The following AP2B1 variants were observed in gnomAD, a reference collection of about 807,000 sequenced individuals.
The protein encoded by AP2B1 is AP-2 complex subunit beta.
AP2B1 carries 23 observed loss-of-function variants against 102.0 expected under a neutral mutation model. The observed-to-expected ratio is 0.23, with a 90% CI of 0.16 to 0.32. The LOEUF (loss-of-function observed/expected upper bound fraction) is 0.32. AP2B1 is among the 10% of genes least tolerant of loss of function. The pLI is 1.00. For missense variants in AP2B1, 541 were observed against 1,157.4 expected, an observed-to-expected ratio of 0.47 and a Z score of 7.73; for synonymous variants, 381 against 421.2, an observed-to-expected ratio of 0.90 and a Z score of 1.17.
intron 2 of AP2B1, chr17:35,597,114 C>G: frequency 1.9e-6 from 1 of 521,110 alleles, no homozygotes; most frequent in Non-Finnish European, 3.5e-6. Context: ...GCAGTAGCGA[C>G]CTCCGGAAGC....
chr17:35,685,013 C>T (rs765216050), intron 18 of AP2B1, among the ~76,000 whole-genome samples: 147 of 152,270 alleles, frequency 9.7e-4, no homozygotes, highest in Non-Finnish European at 1.6e-3. Context: ...TTAGTCCAAC[C>T]CTTTCCTCAA....
intron 18 of AP2B1, among the ~76,000 whole-genome samples, chr17:35,686,881 G>T (rs1223519225): frequency 6.6e-6 from 1 of 152,166 alleles, no homozygotes; most frequent in Non-Finnish European, 1.5e-5. Flanking sequence ...CAGGAGAATG[G>T]CGTGAGAATG....
intron 20 of AP2B1, chr17:35,713,673 C>G (rs2076495722): frequency 6.6e-6 from 1 of 152,236 alleles, no homozygotes; most frequent in Non-Finnish European, 1.5e-5. Flanking sequence ...CAGGAAGTCA[C>G]AGGCTTAAAG....
intron 2 of AP2B1, 78 bp from the exon 3 acceptor site, chr17:35,598,152 T>C (rs2073354588): frequency 1.6e-6 from 1 of 632,320 alleles, no homozygotes; most frequent in Middle Eastern, 4.5e-4. Flanking sequence ...TATCCTGGTA[T>C]TGGTTATTAC....
chr17:35,622,957 GC>G (rs2074222723), intron 5 of AP2B1, among the ~76,000 whole-genome samples: 1 of 152,036 alleles, frequency 6.6e-6, no homozygotes, highest in African/African-American at 2.4e-5. Context: ...GAGCCACCAC[GC>G]CCAGCCAACT....
chr17:35,605,199 C>T (rs921315415), intron 3 of AP2B1, among the ~76,000 whole-genome samples: 3 of 151,894 alleles, frequency 2.0e-5, no homozygotes, highest in African/African-American at 7.3e-5. Context: ...GCCACCATGT[C>T]TGGCCTACAG....
chr17:35,659,891 A>G (rs1315538941), intron 14 of AP2B1: 27 of 985,276 alleles, frequency 2.7e-5, no homozygotes, highest in South Asian at 4.7e-5. Context: ...TTAAATATAT[A>G]TTCACTCAGA....
intron 10 of AP2B1, among the ~76,000 whole-genome samples, chr17:35,639,314 CAA>C (rs1714173186): frequency 6.6e-6 from 1 of 152,120 alleles, no homozygotes; most frequent in Non-Finnish European, 1.5e-5. Flanking sequence ...GCCTGGGTGA[CAA>C]GAGTGAGACC....
chr17:35,641,837 G>A, intron 11 of AP2B1, 40 bp from the exon 12 acceptor site: 1 of 1,446,826 alleles, frequency 6.9e-7, no homozygotes, highest in South Asian at 1.2e-5. Flanking sequence ...AATAATGCCA[G>A]TGCCATTCTT....
rs188611865 is a variant in AP2B1, at chr17:35,645,668, G to A, written c.1536+3693G>A. Among the ~76,000 whole-genome samples, 160 of 152,220 alleles carry A rather than the reference G, an allele frequency of 1.1e-3. 1 individual carries two copies. The highest frequency in any genetic ancestry group is 2.2e-3 in the Admixed American group (33 of 15,280). ...AGTTCGAGACCAGCCTGACCAAAAT[G>A]GAGAAACCCCATCTCTACTAAAAAT... On this transcript the variant is annotated intron_variant, in intron 12 of 21. Coordinates refer to ENST00000610402, the MANE Select transcript of AP2B1 (RefSeq NM_001030006.2).
At chr17:35,723,582 C>A in intron 21 of AP2B1, 43 bp from the exon 22 acceptor site, 1 of 1,399,814 alleles carries the variant, frequency 7.1e-7, no homozygotes, top group Non-Finnish European at 1.0e-6. Context: ...AGAGCTAATG[C>A]CAACCTCTGT....
intron 5 of AP2B1, 47 bp downstream of exon 5, chr17:35,608,434 C>G (rs776812807): frequency 2.5e-6 from 4 of 1,606,426 alleles, no homozygotes; most frequent in Admixed American, 1.7e-5. Flanking sequence ...TAAAATGAGT[C>G]CCTTGTTAAA....
At chr17:35,714,000 CAAG>C (rs1292663357) in intron 20 of AP2B1, among the ~76,000 whole-genome samples, 1 of 152,158 alleles carries the variant, frequency 6.6e-6, no homozygotes, top group Non-Finnish European at 1.5e-5. Flanking sequence ...CTTAAGTGCA[CAAG>C]AAGTAGTTGC....
At chr17:35,635,287 C>T (rs2074574048) in intron 9 of AP2B1, among the ~76,000 whole-genome samples, 1 of 152,206 alleles carries the variant, frequency 6.6e-6, no homozygotes, top group South Asian at 2.1e-4. Flanking sequence ...CTCCTGACTT[C>T]AGGTAATCCA....
At chr17:35,588,856 C>A (rs958828713) in intron 1 of AP2B1, 1 of 152,236 alleles carries the variant, frequency 6.6e-6, no homozygotes, top group Non-Finnish European at 1.5e-5. Context: ...AATATTCTGA[C>A]TGTGTATGAA....
At chr17:35,688,459 T>G (rs1210500138) in intron 18 of AP2B1, among the ~76,000 whole-genome samples, 1 of 152,206 alleles carries the variant, frequency 6.6e-6, no homozygotes, top group Non-Finnish European at 1.5e-5. Context: ...TTTTCACCCA[T>G]CATGCTGGGT....
chr17:35,645,271 T>C (rs1012524049), intron 12 of AP2B1, among the ~76,000 whole-genome samples: 1 of 152,222 alleles, frequency 6.6e-6, no homozygotes, highest in Non-Finnish European at 1.5e-5. Context: ...CTGATGATGC[T>C]ACTTCCACTG....
In AP2B1 at chr17:35,650,556, C is replaced by A. The variant is rs1275687805; in HGVS notation, c.1563C>A (p.Asp521Glu). The A allele has an allele frequency of 6.2e-7, 1 of 1,614,092 alleles. No homozygotes were observed. The highest frequency in any genetic ancestry group is 1.7e-5 in the Admixed American group (1 of 60,004). Residue 521 changes from aspartate to glutamate, a missense_variant, in exon 13 of 22, where the codon GAC becomes GAA. By Grantham distance (45) the Asp-to-Glu change is conservative (BLOSUM62 2). Transcript: ENST00000610402. ...ATTCTGATAATCCTGACCTTCGAGACCGGGGCTATATTTATTGGCGCCTTC... is the reference window on the plus strand; with the variant it reads ...ATTCTGATAATCCTGACCTTCGAGAACGGGGCTATATTTATTGGCGCCTTC... ...TQDSDNPDLR[D>E]RGYIYWRLLS...
chr17:35,706,389 T>G, intron 18 of AP2B1, among the ~76,000 whole-genome samples: 1 of 152,212 alleles, frequency 6.6e-6, no homozygotes. Flanking sequence ...ATCCGGTTGA[T>G]CTTCCTGGGA....
Sources: gnomAD v4.1 joint callset for allele counts (sites outside exome capture counted in the v4.1 genomes callset) on GRCh38, gnomAD v4.1.1 for gene constraint, MANE v1.5 for transcripts, NCBI Gene and HGNC (gene_info 2026-07-23, HGNC 2026-07-21) for gene names.